SAFB: variants seen among roughly 807,000 people sequenced by gnomAD.
SAFB encodes the protein scaffold attachment factor B.
A neutral mutation model predicts 101.6 loss-of-function variants in SAFB; 15 were observed. That is an observed-to-expected ratio of 0.15 (90% CI 0.10 to 0.23). SAFB has a LOEUF of 0.23. SAFB is among the 10% of genes least tolerant of loss of function. The probability of loss-of-function intolerance (pLI) is 1.00; values close to 1 mark genes in which losing one functional copy is unlikely to be tolerated. For missense variants in SAFB, 930 were observed against 1,104.1 expected, an observed-to-expected ratio of 0.84 and a Z score of 2.23; for synonymous variants, 449 against 407.5, an observed-to-expected ratio of 1.10 and a Z score of -1.23.
In SAFB at chr19:5,668,199, C is replaced by T; in HGVS notation, c.2662C>T (p.His888Tyr). 1.2e-6 allele frequency: 2 copies of T among 1,606,698 alleles called. No homozygotes were observed. The highest frequency in any genetic ancestry group is 1.1e-5 in the South Asian group (1 of 90,196). ...SFAPGGASRG[H>Y]PIPHGGMQGG... ...TGCCCCAGGCGGGGCCTCCCGGGGC[C>T]ACCCCATCCCACACGGTGGCATGCA... Residue 888 changes from histidine (H) to tyrosine (Y), a missense_variant, in exon 21 of 21, where the codon CAC becomes TAC. Around this residue, in one of 7 missense-constraint regions of SAFB, gnomAD observed 318 missense variants for 342.6 expected, o/e 0.93. Transcript: ENST00000588852.
chr19:5,653,428 TC>T lies in SAFB; in HGVS notation c.1526+10del. 6.2e-7 allele frequency: 1 copy of T among 1,612,220 alleles called. No homozygotes were observed. The highest frequency in any genetic ancestry group is 8.5e-7 in the Non-Finnish European group (1 of 1,178,518). ...GTCGAGCAACAGTGACAGGTACCCC[TC>T]CTTCCTGGCTAAATTAAAGGGGCAG... On this transcript the variant is annotated intron_variant, in intron 11 of 20. Transcript: ENST00000588852.
In SAFB at chr19:5,667,413, CG is replaced by C; in HGVS notation, c.2525del (p.Gly842AlafsTer2). 1 of 1,516,590 alleles carries C rather than the reference CG, an allele frequency of 6.6e-7. No homozygotes were observed. 93.9% of individuals were successfully genotyped at this position (1,516,590 alleles called of 1,614,324 possible). On this transcript the variant is annotated frameshift_variant, in exon 19 of 21. Transcript: ENST00000588852. LOFTEE classifies it high-confidence loss of function. The surrounding 1 kb of genome is among the most constrained non-coding windows in gnomAD (Gnocchi z 4.0). Reference sequence around the variant, plus strand: ...ACCGGTCATGGCAGGGCACGGCCGACGGGGGCATGATGGACAGGGATCACAA... The same window carrying C: ...ACCGGTCATGGCAGGGCACGGCCGACGGGGCATGATGGACAGGGATCACAA... ...DDRSWQGTAD[G>X]GMMDRDHKRW... is the part of the protein sequence containing the mutation.
chr19:5,655,136 C>G (rs866760972), intron 13 of SAFB, among the ~76,000 whole-genome samples: 1 of 152,078 alleles, frequency 6.6e-6, no homozygotes, highest in Non-Finnish European at 1.5e-5. Context: ...TCCACCTTGA[C>G]CCCTTCCTGT....
At chr19:5,658,447 C>T (rs182725544) in intron 14 of SAFB, among the ~76,000 whole-genome samples, 294 of 152,360 alleles carry the variant, frequency 1.9e-3, no homozygotes, top group Non-Finnish European at 3.5e-3. Context: ...CATCTCAGCA[C>T]TTCGGGAGGC....
intron 8 of SAFB, among the ~76,000 whole-genome samples, chr19:5,650,738 T>C (rs1029955494): frequency 6.6e-6 from 1 of 152,150 alleles, no homozygotes; most frequent in Non-Finnish European, 1.5e-5. Context: ...TTAGGAAACC[T>C]CACATTGTCC....
intron 4 of SAFB, among the ~76,000 whole-genome samples, chr19:5,642,662 T>TC (rs2053746197): frequency 1.5e-5 from 2 of 135,964 alleles, no homozygotes; most frequent in Admixed American, 7.5e-5. Context: ...TTTTTTTTTT[T>TC]TTTTTTTTTT....
chr19:5,651,489 C>T (rs1223337658), intron 9 of SAFB, among the ~76,000 whole-genome samples: 2 of 152,182 alleles, frequency 1.3e-5, no homozygotes, highest in Non-Finnish European at 2.9e-5. Flanking sequence ...TAGGGGTCCT[C>T]ACCACGGGTG....
rs1319328242 is a variant in SAFB, at chr19:5,651,023, C to G, written c.1244C>G (p.Ser415Cys). The G allele has an allele frequency of 6.2e-7, 1 of 1,610,598 alleles. No individual in the cohort carries two copies. The part of the protein sequence containing the change: ...GRNFWVSGLS[S>C]TTRATDLKNL... ...AATTTCTGGGTTAGTGGACTCTCTTCTACAACCAGAGCTACAGATTTGAAG... is the reference window on the plus strand; with the variant it reads ...AATTTCTGGGTTAGTGGACTCTCTTGTACAACCAGAGCTACAGATTTGAAG... The change falls in exon 9 of 21, where the codon TCT (serine) becomes TGT (cysteine). Residue 415 changes from serine to cysteine, a missense_variant. This residue lies in a region of SAFB where 68 missense variants were observed against 122.1 expected (regional missense o/e 0.56). Transcript: ENST00000588852.
intron 13 of SAFB, among the ~76,000 whole-genome samples, chr19:5,654,918 T>C (rs1431985233): frequency 6.6e-6 from 1 of 152,254 alleles, no homozygotes; most frequent in Non-Finnish European, 1.5e-5. Flanking sequence ...TTACTTTTGC[T>C]CTGATAACTG....
chr19:5,641,823 T>C lies in SAFB; in HGVS notation c.423T>C (p.Asn141=). ...ISVLDEAEID[N]GSVADCVEDD... ...TGTTGGATGAAGCAGAAATTGATAATGGAAGCGTTGCAGATTGTGTCGAAG... is the reference window on the plus strand; with the variant it reads ...TGTTGGATGAAGCAGAAATTGATAACGGAAGCGTTGCAGATTGTGTCGAAG... Residue 141 remains asparagine, a synonymous_variant, in exon 4 of 21, where the codon AAT becomes AAC. Coordinates refer to ENST00000588852, the MANE Select transcript of SAFB (RefSeq NM_001201338.2). The C allele has an allele frequency of 5.0e-6, 8 of 1,614,030 alleles. No individual in the cohort carries two copies. Among genetic ancestry groups the C allele is most frequent in the African/African-American group, 4.0e-5 (3 of 74,998 alleles).
At chr19:5,624,354 C>T (rs1424622289) in intron 1 of SAFB, among the ~76,000 whole-genome samples, 1 of 151,922 alleles carries the variant, frequency 6.6e-6, no homozygotes, top group East Asian at 1.9e-4. Flanking sequence ...TGGTTGCCAT[C>T]ACGATTCGCT....
rs1253662074 is a variant in SAFB, at chr19:5,649,410, C to T, written c.1059C>T (p.Asp353=). 1.1e-5 allele frequency: 5 copies of T among 456,218 alleles called. No individual in the cohort carries two copies. Among genetic ancestry groups the T allele is most frequent in the East Asian group, 3.5e-5 (1 of 28,614 alleles). The allele number at this position is 456,218 out of a possible 1,614,324, so 28.3% of individuals were successfully genotyped here. ...CAGAAGCCAGAGATAGCAAAGAAGA[C>T]GGGAGGAAGTTTGATTTTGACGCTT... is the stretch of plus-strand genomic sequence containing the variant. ...PSPEARDSKE[D]GRKFDFDACN... The change falls in exon 7 of 21, where the codon GAC becomes GAT. Residue 353 remains aspartate, a synonymous_variant. Coordinates refer to ENST00000588852, the MANE Select transcript of SAFB (RefSeq NM_001201338.2).
rs745744861 is a variant in SAFB at position 5,623,284 on chromosome 19, G to C, written c.79G>C (p.Gly27Arg). 8.7e-6 allele frequency: 14 copies of C among 1,613,076 alleles called. No homozygotes were observed. The highest frequency in any genetic ancestry group is 5.0e-5 in the Admixed American group (3 of 59,964). ...TCTGAGCTCCGCCTCGTCAGAGACC[G>C]GGACGCGGCGCCTCAGCGACCTGCG... Reference protein sequence around the residue: ...AALSSASSETGTRRLSDLRVI... With the variant: ...AALSSASSETRTRRLSDLRVI... Residue 27 changes from glycine (G) to arginine (R), a missense_variant, in exon 1 of 21, where the codon GGG becomes CGG. Physicochemically the swap from Gly to Arg is moderately radical, Grantham distance 125. Transcript: ENST00000588852.
At chr19:5,636,139 T>C (rs2053590803) in intron 2 of SAFB, among the ~76,000 whole-genome samples, 1 of 152,024 alleles carries the variant, frequency 6.6e-6, no homozygotes, top group South Asian at 2.1e-4. Flanking sequence ...CTGTACATAC[T>C]GCTTGGGAGA....
rs2053560359 is a variant in SAFB, at chr19:5,634,762, A to G, written c.275-6832A>G. Among the ~76,000 whole-genome samples, 3 of 152,256 alleles carry G rather than the reference A, an allele frequency of 2.0e-5. No homozygotes were observed. In the Middle Eastern group the frequency reaches 0.01, roughly 518 times the overall value. ...ATGAAAAAGCAGATGTGGCCTAGAG[A>G]CCAAAAGATTCCCTTGCTGGTAGTT... is the stretch of plus-strand genomic sequence containing the variant. On this transcript the variant is annotated intron_variant, in intron 2 of 20. Transcript: ENST00000588852.
At chr19:5,653,317 A>T in intron 10 of SAFB, 21 bp from the exon 11 acceptor site, 1 of 1,614,108 alleles carries the variant, frequency 6.2e-7, no homozygotes, top group South Asian at 1.1e-5. Context: ...AATGGGGGTA[A>T]TACTTGATTC....
Position 5,626,435 on chromosome 19 carries a change from G to A in SAFB, c.220G>A (p.Glu74Lys), listed in dbSNP as rs769047051. Residue 74 changes from glutamate (E) to lysine (K), a missense_variant, in exon 2 of 21, where the codon GAA becomes AAA. By Grantham distance (56) the Glu-to-Lys change is moderately conservative. Coordinates refer to ENST00000588852, the MANE Select transcript of SAFB (RefSeq NM_001201338.2). ...AIEDEGGNPD[E>K]IEITSEGNKK... ...TGAAGATGAAGGTGGTAATCCTGAC[G>A]AAATTGAAATTACCTCCGAGGGAAA... The A allele has an allele frequency of 3.7e-6, 6 of 1,610,556 alleles. No homozygotes were observed. Among genetic ancestry groups the A allele is most frequent in the African/African-American group, 2.7e-5 (2 of 74,844 alleles).
At chr19:5,655,636 G>A (rs73920038) in intron 13 of SAFB, among the ~76,000 whole-genome samples, 5 of 152,192 alleles carry the variant, frequency 3.3e-5, no homozygotes, top group African/African-American at 4.8e-5. Context: ...CCTTGGACCC[G>A]CCTGGTCAAC....
chr19:5,666,999 C>A, intron 17 of SAFB, 47 bp from the exon 18 acceptor site: 2 of 1,193,428 alleles, frequency 1.7e-6, no homozygotes, highest in South Asian at 1.2e-5. Context: ...GGGGTCTGGG[C>A]GCTGACACTG....
Sources: gnomAD v4.1 joint callset for allele counts (sites outside exome capture counted in the v4.1 genomes callset) on GRCh38, gnomAD v4.1.1 for gene constraint, gnomAD v4.1.1 regional missense constraint, Gnocchi (gnomAD v3.1) non-coding constraint, MANE v1.5 for transcripts, NCBI Gene and HGNC (gene_info 2026-07-23, HGNC 2026-07-21) for gene names.